The following CCDC57 variants were observed in gnomAD, a reference collection of about 807,000 sequenced individuals.
CCDC57 encodes the protein coiled-coil domain-containing protein 57.
CCDC57 carries 118 observed loss-of-function variants against 118.9 expected under a neutral mutation model. That is an observed-to-expected ratio of 0.99 (90% CI 0.86 to 1.16). CCDC57 has a LOEUF of 1.16. Among genes scored for constraint, CCDC57 ranks in the 50% most tolerant of loss-of-function variants. The pLI, the probability that CCDC57 is intolerant of heterozygous loss-of-function variation, is 0.00. For missense variants in CCDC57, 1,300 were observed against 1,320.7 expected, an observed-to-expected ratio of 0.98 and a Z score of 0.24; for synonymous variants, 527 against 532.9, an observed-to-expected ratio of 0.99 and a Z score of 0.15.
At chr17:82,195,586 C>T (rs574368697) in intron 4 of CCDC57, among the ~76,000 whole-genome samples, 1 of 151,866 alleles carries the variant, frequency 6.6e-6, no homozygotes, top group African/African-American at 2.4e-5. Flanking sequence ...CAAGACCAGC[C>T]TGGGCAACAC....
intron 19 of CCDC57, chr17:82,106,583 C>T (rs1312541560): frequency 6.6e-6 from 1 of 152,322 alleles, no homozygotes; most frequent in East Asian, 1.9e-4. Flanking sequence ...GCCCTGAGGC[C>T]CCGGAAGGAA....
exon 10 of CCDC57, chr17:82,179,182 G>T: frequency 6.2e-7 from 1 of 1,613,472 alleles, no homozygotes; most frequent in African/African-American, 1.3e-5. Context: ...GACAGCTGTT[G>T]CTTGTACCTA....
intron 5 of CCDC57, among the ~76,000 whole-genome samples, chr17:82,194,406 G>A (rs188937603): frequency 1.3e-5 from 2 of 151,970 alleles, no homozygotes; most frequent in African/African-American, 4.8e-5. Flanking sequence ...CCCCTCCTGG[G>A]TTCAAGCAAT....
At chr17:82,202,694 G>A (rs749774937) in intron 2 of CCDC57, among the ~76,000 whole-genome samples, 1 of 152,062 alleles carries the variant, frequency 6.6e-6, no homozygotes, top group Non-Finnish European at 1.5e-5. Context: ...AGGTTGCAGT[G>A]AGCAGAGATC....
chr17:82,196,289 G>C (rs111505095), intron 4 of CCDC57, among the ~76,000 whole-genome samples: 166 of 152,332 alleles, frequency 1.1e-3, no homozygotes, highest in Admixed American at 2.4e-3. Flanking sequence ...ACTGACCACG[G>C]ATTTTAGACG....
At chr17:82,102,657 T>TG (rs1302548823) in intron 19 of CCDC57, among the ~76,000 whole-genome samples, 5 of 151,840 alleles carry the variant, frequency 3.3e-5, no homozygotes, top group Admixed American at 6.6e-5. Flanking sequence ...CCGAGGTGGG[T>TG]GGATCACCTC....
At chr17:82,144,238 A>G in intron 16 of CCDC57, among the ~76,000 whole-genome samples, 1 of 152,110 alleles carries the variant, frequency 6.6e-6, no homozygotes, top group East Asian at 1.9e-4. Context: ...TTAGCCCAAG[A>G]AATAGAGACT....
At chr17:82,116,788 A>G (rs530459300) in intron 19 of CCDC57, among the ~76,000 whole-genome samples, 1 of 152,296 alleles carries the variant, frequency 6.6e-6, no homozygotes, top group South Asian at 2.1e-4. Context: ...TACTCGAGGA[A>G]AACACACAGA....
intron 15 of CCDC57, chr17:82,152,008 G>C: frequency 1.9e-6 from 1 of 535,058 alleles, no homozygotes; most frequent in Non-Finnish European, 3.3e-6. Flanking sequence ...GGCCAGGGTG[G>C]CCCCCAGATC....
intron 3 of CCDC57, among the ~76,000 whole-genome samples, chr17:82,198,849 C>T (rs138285556): frequency 0.012 from 1,761 of 151,764 alleles, 82 homozygotes; most frequent in East Asian, 0.12. Flanking sequence ...AAAAATTAGC[C>T]GGGCGTGGTG....
intron 19 of CCDC57, among the ~76,000 whole-genome samples, chr17:82,108,267 G>A (rs2035006125): frequency 6.6e-6 from 1 of 152,236 alleles, no homozygotes; most frequent in Non-Finnish European, 1.5e-5. Context: ...CCGGGTCCTG[G>A]AGTTGTGCTG....
At chr17:82,135,652 A>C (rs373687573) in intron 16 of CCDC57, among the ~76,000 whole-genome samples, 2 of 152,190 alleles carry the variant, frequency 1.3e-5, no homozygotes, top group African/African-American at 4.8e-5. Context: ...CAGAAGATGC[A>C]CGTGTGGGCA....
At chr17:82,187,486 C>T (rs1231400006) in intron 8 of CCDC57, among the ~76,000 whole-genome samples, 1 of 119,318 alleles carries the variant, frequency 8.4e-6, no homozygotes, top group African/African-American at 3.4e-5. Context: ...CCAGCCCGGT[C>T]GCATCCATAG....
chr17:82,135,571 C>G (rs1325155279), intron 16 of CCDC57, among the ~76,000 whole-genome samples: 2 of 152,096 alleles, frequency 1.3e-5, no homozygotes, highest in African/African-American at 4.8e-5. Flanking sequence ...ATAAAAGAAC[C>G]CAAAGATGAC....
chr17:82,108,165 C>T (rs1032431649), intron 19 of CCDC57, among the ~76,000 whole-genome samples: 1 of 152,246 alleles, frequency 6.6e-6, no homozygotes, highest in African/African-American at 2.4e-5. Context: ...CAGTCCTTGA[C>T]TCTGGAGCAC....
chr17:82,105,182 A>T (rs1445962267), intron 19 of CCDC57: 1 of 152,250 alleles, frequency 6.6e-6, no homozygotes, highest in Non-Finnish European at 1.5e-5. Flanking sequence ...GGGGCTGGGG[A>T]GGGCCTGGCC....
exon 8 of CCDC57, chr17:82,188,322 C>T (rs748618304): frequency 6.2e-7 from 1 of 1,606,754 alleles, no homozygotes; most frequent in Non-Finnish European, 8.5e-7. Context: ...AGCTCCAGAA[C>T]CCTGGTCTGC....
intron 2 of CCDC57, 62 bp from the exon 2 acceptor site, chr17:82,202,014 G>A: frequency 1.4e-6 from 2 of 1,424,064 alleles, no homozygotes; most frequent in African/African-American, 1.4e-5. Context: ...TCCTACCACA[G>A]TACCTACCTC....
At chr17:82,156,307 GA>G (rs2042677338) in intron 15 of CCDC57, 2 of 151,386 alleles carry the variant, frequency 1.3e-5, no homozygotes, top group South Asian at 2.1e-4. Flanking sequence ...AAAAAAGAAA[GA>G]AAAAATTCTG....
Sources: gnomAD v4.1 joint callset for allele counts (sites outside exome capture counted in the v4.1 genomes callset) on GRCh38, gnomAD v4.1.1 for gene constraint, MANE v1.5 for transcripts, NCBI Gene and HGNC (gene_info 2026-07-23, HGNC 2026-07-21) for gene names.